The following SAMD12 variants were observed in gnomAD, a reference collection of about 807,000 sequenced individuals.
The protein encoded by SAMD12 is sterile alpha motif domain-containing protein 12.
SAMD12 carries 9 observed loss-of-function variants against 15.0 expected under a neutral mutation model. The ratio of observed to expected loss-of-function variants is 0.60; its 90% CI spans 0.36 to 1.05. The LOEUF is 1.05. Among genes scored for constraint, SAMD12 ranks in the 50% least tolerant of loss-of-function variants. SAMD12 has a pLI of 0.01. For missense variants in SAMD12, 230 were observed against 234.2 expected (o/e 0.98, Z 0.12); for synonymous variants, 86 against 90.1 (o/e 0.96, Z 0.25).
At chr8:118,182,707 A>T in the SAMD12 span, among the ~76,000 whole-genome samples, 1 of 152,224 alleles carries the variant, frequency 6.6e-6, no homozygotes, top group African/African-American at 2.4e-5. Context: ...TACTAAAGCC[A>T]TCTCACCCCA....
intron 4 of SAMD12, among the ~76,000 whole-genome samples, chr8:118,294,653 T>C (rs1466042428): frequency 3.9e-5 from 6 of 152,202 alleles, no homozygotes; most frequent in East Asian, 1.9e-4. Flanking sequence ...GATGAAAACA[T>C]AAAAAGTAAA....
At chr8:118,180,616 A>G in the SAMD12 span, among the ~76,000 whole-genome samples, 3 of 151,974 alleles carry the variant, frequency 2.0e-5, no homozygotes, top group African/African-American at 4.8e-5. Context: ...TCTGTTGACC[A>G]GGTTGGAGTG....
intron 4 of SAMD12, among the ~76,000 whole-genome samples, chr8:118,239,364 A>G (rs1410648949): frequency 2.0e-5 from 3 of 152,178 alleles, no homozygotes; most frequent in Non-Finnish European, 2.9e-5. Flanking sequence ...GATTTTAAAC[A>G]AATAATTGCA....
intron 3 of SAMD12, among the ~76,000 whole-genome samples, chr8:118,421,377 T>C (rs1042067945): frequency 5.9e-5 from 9 of 152,254 alleles, no homozygotes; most frequent in African/African-American, 1.9e-4. Context: ...GGCAATTTTA[T>C]ATGGCTCAAT....
At chr8:118,181,178 C>G in the SAMD12 span, among the ~76,000 whole-genome samples, 3 of 152,226 alleles carry the variant, frequency 2.0e-5, no homozygotes, top group South Asian at 4.1e-4. Context: ...CATACCACCA[C>G]GTTCAGTTAA....
At chr8:118,554,919 TCTTTCAATAGAAAGAC>T (rs2131194275) in intron 2 of SAMD12, among the ~76,000 whole-genome samples, 1 of 152,246 alleles carries the variant, frequency 6.6e-6, no homozygotes, top group African/African-American at 2.4e-5. Context: ...TTTAAATTAG[TCTTTCAATAGAAAGAC>T]AGATTTAGAT....
At chr8:118,394,350 C>T (rs1820441404) in intron 3 of SAMD12, among the ~76,000 whole-genome samples, 1 of 152,182 alleles carries the variant, frequency 6.6e-6, no homozygotes, top group Non-Finnish European at 1.5e-5. Flanking sequence ...GCAAGTTCTT[C>T]CTCACTCACC....
intron 2 of SAMD12, among the ~76,000 whole-genome samples, chr8:118,482,354 A>G (rs1824149606): frequency 6.6e-6 from 1 of 152,120 alleles, no homozygotes; most frequent in Non-Finnish European, 1.5e-5. Flanking sequence ...ATACACTCCA[A>G]CTTTTACTGA....
rs560535901 is a variant in SAMD12, at chr8:118,300,045, G to A, written c.433+79515C>T. Reference sequence around the variant, plus strand: ...TTTTTTTCTTTACTTTTTTTTAATTGACATATAATAACTGTACATATTTAT... The same window carrying A: ...TTTTTTTCTTTACTTTTTTTTAATTAACATATAATAACTGTACATATTTAT... On this transcript the variant is annotated intron_variant, in intron 4 of 4. Coordinates refer to the SAMD12 transcript ENST00000409003. Among the ~76,000 whole-genome samples the A allele has an allele frequency of 4.6e-5, 7 of 151,132 alleles. No homozygotes were observed. The East Asian group carries it at 1.4e-3, about 29-fold the overall frequency.
At chr8:118,440,410 G>A (rs960176782) in intron 2 of SAMD12, among the ~76,000 whole-genome samples, 1 of 152,134 alleles carries the variant, frequency 6.6e-6, no homozygotes, top group Non-Finnish European at 1.5e-5. Context: ...TTTTAGGAAC[G>A]AATGTTACTG....
Position 118,528,234 on chromosome 8 carries a change from G to A in SAMD12, c.192+52481C>T, listed in dbSNP as rs924545760. Among the ~76,000 whole-genome samples, 12 of 152,080 alleles carry A rather than the reference G, an allele frequency of 7.9e-5. No homozygotes were observed. In the East Asian group the frequency reaches 9.6e-4, roughly 12 times the overall value. Reference sequence around the variant, plus strand: ...TTTAGTAGAGATGGGGTTTAACCACGTTGGCCAGGCTGGTCTCTAACTCCT... The same window carrying A: ...TTTAGTAGAGATGGGGTTTAACCACATTGGCCAGGCTGGTCTCTAACTCCT... On this transcript the variant is annotated intron_variant, in intron 2 of 3. Coordinates refer to ENST00000314727, the MANE Select transcript of SAMD12 (RefSeq NM_207506.3).
chr8:118,339,831 G>C (rs1377111391), intron 4 of SAMD12, among the ~76,000 whole-genome samples: 1 of 152,204 alleles, frequency 6.6e-6, no homozygotes, highest in African/African-American at 2.4e-5. Context: ...TCCAGGGCAC[G>C]TTTTCACACA....
rs1215642501 is a variant in SAMD12, at chr8:118,379,499, A to G, written c.524T>C (p.Leu175Pro). 3 of 1,613,744 alleles carry G rather than the reference A, an allele frequency of 1.9e-6. No homozygotes were observed. Among genetic ancestry groups the G allele is most frequent in the African/African-American group, 1.3e-5 (1 of 74,904 alleles). Residue 175 changes from leucine (L) to proline (P), a missense_variant, in exon 4 of 4, where the codon CTA becomes CCA. By Grantham distance (98) the Leu-to-Pro change is moderately conservative. Transcript: ENST00000314727. The part of the protein sequence containing the change: ...DGEIRRKTTL[L>P]LGQTGVRENL... ...CTCCCTGACTCCTGTCTGTCCTAAT[A>G]GTAAGGTGGTCTTTCTTCTAATCTC... is the stretch of plus-strand genomic sequence containing the variant.
At chr8:118,239,547 C>T (rs1812520814) in intron 4 of SAMD12, among the ~76,000 whole-genome samples, 1 of 152,128 alleles carries the variant, frequency 6.6e-6, no homozygotes, top group African/African-American at 2.4e-5. Flanking sequence ...CCAGTTTCCT[C>T]CCAGCAAATA....
chr8:118,583,894 A>T (rs1214699327), intron 1 of SAMD12, among the ~76,000 whole-genome samples: 1 of 152,196 alleles, frequency 6.6e-6, no homozygotes, highest in African/African-American at 2.4e-5. Flanking sequence ...AAGCTCCTGG[A>T]AGGCAGGTAC....
chr8:118,169,086 A>G, the SAMD12 span, among the ~76,000 whole-genome samples: 486 of 152,276 alleles, frequency 3.2e-3, 2 homozygotes, highest in African/African-American at 0.011. Context: ...TGAAAAATCT[A>G]CCTAGTGGGT....
chr8:118,302,078 G>GTTTTTTTT lies in SAMD12; in HGVS notation c.433+77474_433+77481dup, dbSNP rs58076997. Among the ~76,000 whole-genome samples, 370 of 74,670 alleles carry GTTTTTTTT rather than the reference G, an allele frequency of 5.0e-3. 69 individuals carry two copies. Among genetic ancestry groups the GTTTTTTTT allele is most frequent in the African/African-American group, 0.023 (326 of 14,280 alleles). 49.0% of individuals were successfully genotyped at this position (74,670 alleles called of 152,430 possible). On this transcript the variant is annotated intron_variant, in intron 4 of 4. Transcript: ENST00000409003. ...ATTTTCTAGCGCCAGATCTTTGAGA[G>GTTTTTTTT]TTTTTTTTTTTTTTTTTTTTTTTTT...
intron 4 of SAMD12, among the ~76,000 whole-genome samples, chr8:118,301,436 C>T (rs1218488362): frequency 1.3e-5 from 2 of 152,144 alleles, no homozygotes; most frequent in Admixed American, 6.5e-5. Context: ...GGTACAGATA[C>T]AAAAGCAGCT....
chr8:118,499,052 C>T (rs1331343449), intron 2 of SAMD12, among the ~76,000 whole-genome samples: 1 of 152,210 alleles, frequency 6.6e-6, no homozygotes, highest in East Asian at 1.9e-4. Flanking sequence ...TAATGAACAA[C>T]CCCCACATCT....
Sources: gnomAD v4.1 joint callset for allele counts (sites outside exome capture counted in the v4.1 genomes callset) on GRCh38, gnomAD v4.1.1 for gene constraint, MANE v1.5 for transcripts, NCBI Gene and HGNC (gene_info 2026-07-23, HGNC 2026-07-21) for gene names.